Variants in ST6GAL2 observed in about 807,000 individuals in gnomAD.
The protein encoded by ST6GAL2 is ST6 beta-galactoside alpha-2,6-sialyltransferase 2.
Under a neutral mutation model 37.5 loss-of-function variants are expected in ST6GAL2, and 24 were observed. The ratio of observed to expected loss-of-function variants is 0.64; its 90% CI spans 0.46 to 0.90. The LOEUF (loss-of-function observed/expected upper bound fraction) is 0.90. Among genes scored for constraint, ST6GAL2 ranks in the 40% least tolerant of loss-of-function variants. ST6GAL2 has a pLI of 0.00. For synonymous variants in ST6GAL2, 306 were observed against 295.1 expected (o/e 1.04, Z -0.38); for missense variants, 715 against 712.7 (o/e 1.00, Z -0.04).
chr2:106,833,161 A>G (rs1415178379), intron 3 of ST6GAL2, among the ~76,000 whole-genome samples: 2 of 151,388 alleles, frequency 1.3e-5, no homozygotes, highest in Non-Finnish European at 2.9e-5. Flanking sequence ...AAAAAACAAC[A>G]TATTATTTTC....
rs114857976 is a variant in ST6GAL2, at chr2:106,834,762, C to A, written c.944-616G>T. 7.9e-3 allele frequency: 1,201 copies of A among 152,500 alleles called. 4 individuals carry two copies. The highest frequency in any genetic ancestry group is 0.012 in the Non-Finnish European group (831 of 68,178). The allele number at this position is 152,500 out of a possible 1,614,324, so 9.4% of individuals were successfully genotyped here. A position where few individuals can be genotyped will look rare whatever the true frequency, so the allele number is the denominator to read the frequency against. The stretch of plus-strand genomic sequence containing the variant: ...GAGCATTCTGCATTAGCAGCAATAG[C>A]CTGCCAGACCACCATAGCCCCTGAG... On this transcript the variant is annotated intron_variant, in intron 2 of 5. Transcript: ENST00000409382.
At chr2:106,884,076 C>T (rs186173782) in intron 1 of ST6GAL2, among the ~76,000 whole-genome samples, 86 of 152,244 alleles carry the variant, frequency 5.6e-4, no homozygotes, top group African/African-American at 1.9e-3. Flanking sequence ...AAGCAATAGA[C>T]CAGAGCCTCA....
rs1356518955 is a variant in ST6GAL2, at chr2:106,801,751, T to C, written c.*4927A>G. 1 of 152,244 alleles carries C rather than the reference T, an allele frequency of 6.6e-6. No homozygotes were observed. Among genetic ancestry groups the C allele is most frequent in the Admixed American group, 6.5e-5 (1 of 15,284 alleles). The allele number at this position is 152,244 out of a possible 1,614,324, so 9.4% of individuals were successfully genotyped here. On this transcript the variant is annotated 3_prime_UTR_variant, in exon 6 of 6. Transcript: ENST00000409382. ...GCGACTCCTGGAAAACTTCAAGCTTTAATTAGTTTGAAGAGTACACATTTC... is the reference window on the plus strand; with the variant it reads ...GCGACTCCTGGAAAACTTCAAGCTTCAATTAGTTTGAAGAGTACACATTTC...
chr2:106,843,093 G>C lies in ST6GAL2; in HGVS notation c.885C>G (p.Ser295Arg), dbSNP rs750925772. 12 of 1,521,448 alleles carry C rather than the reference G, an allele frequency of 7.9e-6. No individual in the cohort carries two copies. In the South Asian group the frequency reaches 1.4e-4, roughly 18 times the overall value. 94.2% of individuals were successfully genotyped at this position (1,521,448 alleles called of 1,614,324 possible). A position where few individuals can be genotyped will look rare whatever the true frequency, so the allele number is the denominator to read the frequency against. ...LSQLHPRGLR[S>R]CAVVMSAGAI... ...CGCCTGCAGACATGACGACAGCGCA[G>C]CTGCGCAGGCCGCGGGGGTGCAGCT... is the stretch of plus-strand genomic sequence containing the variant. Residue 295 changes from serine to arginine, a missense_variant, in exon 2 of 6, where the codon AGC (serine) becomes AGG (arginine). Transcript: ENST00000409382.
intron 5 of ST6GAL2, among the ~76,000 whole-genome samples, chr2:106,814,334 G>A (rs567664570): frequency 6.6e-6 from 1 of 152,228 alleles, no homozygotes; most frequent in South Asian, 2.1e-4. Context: ...TAAAAAATGA[G>A]ATTCCAAAAG....
In ST6GAL2 at chr2:106,803,601, T is replaced by A. The variant is rs1675324777; in HGVS notation, c.*3077A>T. 1 of 133,818 alleles carries A rather than the reference T, an allele frequency of 7.5e-6. No homozygotes were observed. Among genetic ancestry groups the A allele is most frequent in the Non-Finnish European group, 1.6e-5 (1 of 63,810 alleles). The allele number at this position is 133,818 out of a possible 1,614,324, so 8.3% of individuals were successfully genotyped here. Reference sequence around the variant, plus strand: ...TTGAATTGTCATTGCTGCTCAAAATTTGTTTCTTTGTAACAACAACAACAA... The same window carrying A: ...TTGAATTGTCATTGCTGCTCAAAATATGTTTCTTTGTAACAACAACAACAA... On this transcript the variant is annotated 3_prime_UTR_variant, in exon 6 of 6. Transcript: ENST00000409382.
chr2:106,857,850 T>C (rs6543451), intron 1 of ST6GAL2, among the ~76,000 whole-genome samples: 133,264 of 152,154 alleles, frequency 0.88, 58,502 homozygotes, highest in East Asian at 0.98. Flanking sequence ...TCAAGAACAA[T>C]GCCTCGCTGC....
At chr2:106,828,838 G>T (rs1182531789) in intron 5 of ST6GAL2, among the ~76,000 whole-genome samples, 1 of 151,972 alleles carries the variant, frequency 6.6e-6, no homozygotes, top group African/African-American at 2.4e-5. Context: ...TACCCACTCG[G>T]GTAATATCAA....
rs1470051140 is a variant in ST6GAL2, at chr2:106,806,590, C to T, written c.*88G>A. On this transcript the variant is annotated 3_prime_UTR_variant, in exon 6 of 6. Transcript: ENST00000409382. ...TACTGTTTAAAGACTCAAAACTACACTGTCTAAAATCTATCTTCAAGTATT... is the reference window on the plus strand; with the variant it reads ...TACTGTTTAAAGACTCAAAACTACATTGTCTAAAATCTATCTTCAAGTATT... 3 of 1,439,486 alleles carry T rather than the reference C, an allele frequency of 2.1e-6. No homozygotes were observed. The highest frequency in any genetic ancestry group is 2.0e-4 in the Middle Eastern group (1 of 5,128). 89.2% of individuals were successfully genotyped at this position (1,439,486 alleles called of 1,614,324 possible). A position where few individuals can be genotyped will look rare whatever the true frequency, so the allele number is the denominator to read the frequency against.
intron 5 of ST6GAL2, among the ~76,000 whole-genome samples, chr2:106,826,015 G>A (rs1369535288): frequency 6.6e-6 from 1 of 152,114 alleles, no homozygotes; most frequent in Non-Finnish European, 1.5e-5. Context: ...AACTGCCGCT[G>A]GATAATCTCC....
chr2:106,852,993 GT>G (rs1677433000), intron 1 of ST6GAL2, among the ~76,000 whole-genome samples: 1 of 152,166 alleles, frequency 6.6e-6, no homozygotes, highest in Admixed American at 6.5e-5. Flanking sequence ...AAAGCTCCGA[GT>G]GGTTCCCTTC....
Position 106,819,633 on chromosome 2 carries a change from G to A in ST6GAL2, c.1318+10433C>T, listed in dbSNP as rs756111441. ...ATAAAGGGAATTCTTCAATCTGAAA[G>A]AAAAGAATGTTAATGAGCAATAAGA... On this transcript the variant is annotated intron_variant, in intron 5 of 5. Transcript: ENST00000409382. Among the ~76,000 whole-genome samples the A allele has an allele frequency of 5.5e-4, 83 of 152,074 alleles. No individual in the cohort carries two copies. In the Middle Eastern group the frequency reaches 0.01, roughly 19 times the overall value.
chr2:106,838,910 C>T (rs1420864596), intron 2 of ST6GAL2, among the ~76,000 whole-genome samples: 4 of 151,976 alleles, frequency 2.6e-5, no homozygotes, highest in Admixed American at 2.6e-4. Flanking sequence ...GTGGCGCGTG[C>T]CTGTAATCCC....
rs1675289472 is a variant in ST6GAL2 at position 106,802,476 on chromosome 2, T to G, written c.*4202A>C. ...TTTTTAACCAAAAGGCTTCATTCATTTAATAAAACAAGAACTTACATTTTA... is the reference window on the plus strand; with the variant it reads ...TTTTTAACCAAAAGGCTTCATTCATGTAATAAAACAAGAACTTACATTTTA... On this transcript the variant is annotated 3_prime_UTR_variant, in exon 6 of 6. Coordinates refer to ENST00000409382, the MANE Select transcript of ST6GAL2 (RefSeq NM_001142351.2). 6.6e-6 allele frequency: 1 copy of G among 152,208 alleles called. No individual in the cohort carries two copies. The highest frequency in any genetic ancestry group is 2.4e-5 in the African/African-American group (1 of 41,458). 9.4% of individuals were successfully genotyped at this position (152,208 alleles called of 1,614,324 possible). A position where few individuals can be genotyped will look rare whatever the true frequency, so the allele number is the denominator to read the frequency against.
At chr2:106,831,882 T>A (rs556037533) in intron 4 of ST6GAL2, among the ~76,000 whole-genome samples, 1 of 152,226 alleles carries the variant, frequency 6.6e-6, no homozygotes, top group Non-Finnish European at 1.5e-5. Context: ...CATCTCTTAC[T>A]AGGCTAAATA....
intron 5 of ST6GAL2, among the ~76,000 whole-genome samples, chr2:106,827,516 G>C (rs1319037653): frequency 6.6e-6 from 1 of 152,180 alleles, no homozygotes; most frequent in African/African-American, 2.4e-5. Context: ...CACATCTTCT[G>C]TTGCCTCTTC....
chr2:106,843,930 T>C lies in ST6GAL2; in HGVS notation c.48A>G (p.Ile16Met). 1 of 1,597,830 alleles carries C rather than the reference T, an allele frequency of 6.3e-7. No homozygotes were observed. Among genetic ancestry groups the C allele is most frequent in the East Asian group, 2.2e-5 (1 of 44,746 alleles). The change falls in exon 2 of 6, where the codon ATA becomes ATG. Residue 16 changes from isoleucine (I) to methionine (M), a missense_variant. By Grantham distance (10) the Ile-to-Met change is conservative (BLOSUM62 1). This residue lies in a region of ST6GAL2 where 512 missense variants were observed against 488.8 expected (regional missense o/e 1.05). Transcript: ENST00000409382. ...GCAAAAAGAGGAGCCCCCAAGCGAA[T>C]ATTCCGAAAAGCATTCGTTGTCTCC... ...KQWRQRMLFG[I>M]FAWGLLFLLI...
intron 5 of ST6GAL2, among the ~76,000 whole-genome samples, chr2:106,823,910 C>T (rs1017778031): frequency 6.6e-6 from 1 of 152,302 alleles, no homozygotes; most frequent in Admixed American, 6.5e-5. Context: ...TCCATGAGGG[C>T]AGCTCCACCT....
chr2:106,884,938 T>TATATATAC lies in ST6GAL2; in HGVS notation c.-58+1154_-58+1155insGTATATAT, dbSNP rs1426798721. Among the ~76,000 whole-genome samples, 129 of 123,720 alleles carry TATATATAC rather than the reference T, an allele frequency of 1.0e-3. 1 individual carries two copies. The highest frequency in any genetic ancestry group is 0.01 in the South Asian group (41 of 3,962). 81.2% of individuals were successfully genotyped at this position (123,720 alleles called of 152,430 possible). A position where few individuals can be genotyped will look rare whatever the true frequency, so the allele number is the denominator to read the frequency against. On this transcript the variant is annotated intron_variant, in intron 1 of 5. Coordinates refer to ENST00000409382, the MANE Select transcript of ST6GAL2 (RefSeq NM_001142351.2). Reference sequence around the variant, plus strand: ...ATATATATATATATATATATATACATACACACACACACATATATACATATG... The same window carrying TATATATAC: ...ATATATATATATATATATATATACATATATATACACACACACACACATATATACATATG...
Sources: gnomAD v4.1 joint callset for allele counts (sites outside exome capture counted in the v4.1 genomes callset) on GRCh38, gnomAD v4.1.1 for gene constraint, gnomAD v4.1.1 regional missense constraint, MANE v1.5 for transcripts, NCBI Gene and HGNC (gene_info 2026-07-23, HGNC 2026-07-21) for gene names.